ZDHHC2: variants seen among roughly 807,000 people sequenced by gnomAD.
The protein encoded by ZDHHC2 is palmitoyltransferase ZDHHC2.
A neutral mutation model predicts 55.6 loss-of-function variants in ZDHHC2; 51 were observed. The ratio of observed to expected loss-of-function variants is 0.92; its 90% confidence interval spans 0.73 to 1.16. The LOEUF (loss-of-function observed/expected upper bound fraction) is 1.16, where lower values mean the gene tolerates loss of function less well. Ranked by LOEUF, ZDHHC2 falls within the 50% of genes most tolerant of loss-of-function variation. The pLI, the probability that ZDHHC2 is intolerant of heterozygous loss-of-function variation, is 0.00. For missense variants in ZDHHC2, 491 were observed against 442.4 expected, an observed-to-expected ratio of 1.11 and a Z score of -0.99; for synonymous variants, 199 against 152.9, an observed-to-expected ratio of 1.30 and a Z score of -2.22.
In ZDHHC2 at chr8:17,221,798, T is replaced by G. The variant is rs1056392872; in HGVS notation, c.*1577T>G. 1 of 152,500 alleles carries G rather than the reference T, an allele frequency of 6.6e-6. No homozygotes were observed. Among genetic ancestry groups the G allele is most frequent in the Non-Finnish European group, 1.5e-5 (1 of 67,934 alleles). The allele number at this position is 152,500 out of a possible 1,614,324, so 9.4% of individuals were successfully genotyped here. A position where few individuals can be genotyped will look rare whatever the true frequency, so the allele number is the denominator to read the frequency against. ...TTGTATTATGCTGAAGAGTTTCATCTGACAATCTGCTTCAAGAAATCTCAG... is the reference window on the plus strand; with the variant it reads ...TTGTATTATGCTGAAGAGTTTCATCGGACAATCTGCTTCAAGAAATCTCAG... On this transcript the variant is annotated 3_prime_UTR_variant, in exon 13 of 13. Coordinates refer to ENST00000262096, the MANE Select transcript of ZDHHC2 (RefSeq NM_016353.5).
chr8:17,159,699 A>C (rs1230586260), intron 1 of ZDHHC2, among the ~76,000 whole-genome samples: 1 of 152,206 alleles, frequency 6.6e-6, no homozygotes, highest in South Asian at 2.1e-4. Context: ...ATGTACATAT[A>C]TTGTGTGAGA....
chr8:17,185,509 A>C (rs1032946488), intron 2 of ZDHHC2, among the ~76,000 whole-genome samples: 1 of 151,992 alleles, frequency 6.6e-6, no homozygotes, highest in Admixed American at 6.6e-5. Context: ...AAAAAAAAGA[A>C]AAATACTAAC....
chr8:17,216,955 T>C (rs1462934848), intron 11 of ZDHHC2, among the ~76,000 whole-genome samples: 1 of 152,150 alleles, frequency 6.6e-6, no homozygotes, highest in Admixed American at 6.5e-5. Flanking sequence ...TTTCTGTTTT[T>C]AGTGTTTTGT....
intron 1 of ZDHHC2, among the ~76,000 whole-genome samples, chr8:17,170,983 C>A (rs900263117): frequency 6.6e-6 from 1 of 152,138 alleles, no homozygotes; most frequent in East Asian, 1.9e-4. Flanking sequence ...GGACATAAAT[C>A]CCTAGTTGAC....
rs560308548 is a variant in ZDHHC2, at chr8:17,186,268, G to A, written c.158-63G>A. 2,713 of 1,084,276 alleles carry A rather than the reference G, an allele frequency of 2.5e-3. 25 individuals are homozygous for A. Among genetic ancestry groups the A allele is most frequent in the South Asian group, 0.016 (1,065 of 67,650 alleles). 67.2% of individuals were successfully genotyped at this position (1,084,276 alleles called of 1,614,324 possible). On this transcript the variant is annotated intron_variant, in intron 2 of 12. Transcript: ENST00000262096. The stretch of plus-strand genomic sequence containing the variant: ...ATTTTAAAACAAGCAGATCGGTTGT[G>A]ACTGTCATAATTTTAGTATGTATTT...
At chr8:17,198,776 G>C (rs1233252944) in intron 6 of ZDHHC2, among the ~76,000 whole-genome samples, 4 of 152,122 alleles carry the variant, frequency 2.6e-5, no homozygotes, top group Non-Finnish European at 5.9e-5. Flanking sequence ...TTTTTATAAA[G>C]AATTAAGTCA....
intron 1 of ZDHHC2, among the ~76,000 whole-genome samples, chr8:17,176,644 C>T (rs980542804): frequency 6.6e-6 from 1 of 152,152 alleles, no homozygotes; most frequent in Non-Finnish European, 1.5e-5. Context: ...ACCCAGTTCA[C>T]TGCCAGTGCA....
Position 17,205,652 on chromosome 8 carries a change from CAG to C in ZDHHC2, c.477-2_477-1del, listed in dbSNP as rs1807061369. On this transcript the variant is annotated splice_acceptor_variant, in intron 6 of 12. Transcript: ENST00000262096. LOFTEE classifies it high-confidence loss of function. ...ACTGGAAATGTTTTTGTTTTGTTAA[CAG>C]GGTGAACAATTGTGTTGGATTTTCA... 1 of 1,593,828 alleles carries C rather than the reference CAG, an allele frequency of 6.3e-7. No homozygotes were observed. The highest frequency in any genetic ancestry group is 1.4e-5 in the African/African-American group (1 of 73,508).
intron 6 of ZDHHC2, among the ~76,000 whole-genome samples, chr8:17,200,665 T>C (rs1806712211): frequency 6.6e-6 from 1 of 152,212 alleles, no homozygotes; most frequent in Admixed American, 6.5e-5. Context: ...TTTTGCTAAA[T>C]CAACAGTTAA....
At chr8:17,201,170 CCTT>C (rs1352057279) in intron 6 of ZDHHC2, among the ~76,000 whole-genome samples, 21 of 152,330 alleles carry the variant, frequency 1.4e-4, no homozygotes, top group African/African-American at 4.8e-4. Context: ...CCTCTCCCCA[CCTT>C]CTTCCACTAT....
Position 17,199,357 on chromosome 8 carries a change from T to G in ZDHHC2, c.476+944T>G, listed in dbSNP as rs538101331. Among the ~76,000 whole-genome samples the G allele has an allele frequency of 3.9e-5, 6 of 152,018 alleles. No individual in the cohort carries two copies. In the South Asian group the frequency reaches 1.2e-3, roughly 32 times the overall value. ...AAAGGTCTCAATAAATAACGCCCCC[T>G]TCGTACTAATTGATACTTGCACTCA... On this transcript the variant is annotated intron_variant, in intron 6 of 12. Coordinates refer to ENST00000262096, the MANE Select transcript of ZDHHC2 (RefSeq NM_016353.5).
intron 6 of ZDHHC2, among the ~76,000 whole-genome samples, chr8:17,199,502 C>CTTG (rs1806534634): frequency 2.4e-5 from 1 of 41,594 alleles, no homozygotes; most frequent in South Asian, 8.4e-4. Context: ...TCTTCTTCTT[C>CTTG]TTCTTCTTCT....
At chr8:17,217,044 ATACCCTTATTATG>A in intron 11 of ZDHHC2, 115 bp from the exon 12 acceptor site, 2 of 779,172 alleles carry the variant, frequency 2.6e-6, no homozygotes, top group Non-Finnish European at 4.2e-6. Context: ...CATCTTATAT[ATACCCTTATTATG>A]TACAAGGCAC....
intron 10 of ZDHHC2, among the ~76,000 whole-genome samples, chr8:17,213,845 A>G (rs769130829): frequency 6.6e-6 from 1 of 152,150 alleles, no homozygotes; most frequent in Non-Finnish European, 1.5e-5. Flanking sequence ...TAAGAATTAA[A>G]GTAAGATTTT....
intron 8 of ZDHHC2, 89 bp downstream of exon 8, chr8:17,208,181 C>T: frequency 7.6e-7 from 1 of 1,322,596 alleles, no homozygotes. Flanking sequence ...TGCCAACTTG[C>T]CCTGAAGTGG....
At chr8:17,202,885 G>A (rs1025602268) in intron 6 of ZDHHC2, among the ~76,000 whole-genome samples, 6 of 151,802 alleles carry the variant, frequency 4.0e-5, no homozygotes, top group Non-Finnish European at 8.8e-5. Flanking sequence ...ATCCCCTCAA[G>A]CAAAGCTAAA....
chr8:17,203,485 C>T (rs916164584), intron 6 of ZDHHC2, among the ~76,000 whole-genome samples: 1 of 152,162 alleles, frequency 6.6e-6, no homozygotes, highest in South Asian at 2.1e-4. Context: ...CTGCCTGCCT[C>T]GGCCCCCTAA....
chr8:17,207,278 C>T (rs1807149933), intron 7 of ZDHHC2, among the ~76,000 whole-genome samples: 1 of 152,118 alleles, frequency 6.6e-6, no homozygotes. Flanking sequence ...CATTCTAGAG[C>T]CATTCCAGGT....
At chr8:17,167,940 C>T (rs1339313301) in intron 1 of ZDHHC2, among the ~76,000 whole-genome samples, 4 of 152,040 alleles carry the variant, frequency 2.6e-5, no homozygotes, top group Non-Finnish European at 5.9e-5. Context: ...GATAATTAAC[C>T]CCCACCCGCC....
Sources: allele counts gnomAD v4.1 joint callset (sites outside exome capture counted in the v4.1 genomes callset), GRCh38; gene constraint gnomAD v4.1.1; transcripts MANE v1.5; gene names NCBI Gene and HGNC (gene_info 2026-07-23, HGNC 2026-07-21).